GRID2: variants seen among roughly 807,000 people sequenced by gnomAD.
The protein encoded by GRID2 is glutamate receptor ionotropic, delta-2.
A neutral mutation model predicts 114.8 loss-of-function variants in GRID2; 33 were observed. That is an observed-to-expected ratio of 0.29 (90% confidence interval 0.22 to 0.38). The LOEUF (loss-of-function observed/expected upper bound fraction) is 0.38, where lower values mean the gene tolerates loss of function less well. GRID2 is among the 10% of genes least tolerant of loss of function. The pLI is 1.00. For missense variants in GRID2, 1,184 were observed against 1,257.7 expected (o/e 0.94, Z 0.89); for synonymous variants, 505 against 449.9 (o/e 1.12, Z -1.55).
At chr4:92,421,118 C>T (rs1002113026) in intron 1 of GRID2, among the ~76,000 whole-genome samples, 2 of 151,904 alleles carry the variant, frequency 1.3e-5, no homozygotes, top group Non-Finnish European at 2.9e-5. Flanking sequence ...CCAAATGCTG[C>T]ACCTTTTACA....
intron 1 of GRID2, among the ~76,000 whole-genome samples, chr4:92,522,060 C>G (rs1412232393): frequency 2.0e-5 from 3 of 151,708 alleles, no homozygotes; most frequent in Non-Finnish European, 4.4e-5. Context: ...TAAAGATAAT[C>G]CACTGTGGGG....
At chr4:93,805,150 C>T (rs1006009603) in intron 1 of GRID2, among the ~76,000 whole-genome samples, 19 of 152,134 alleles carry the variant, frequency 1.2e-4, no homozygotes, top group African/African-American at 4.6e-4. Context: ...GCATGCTAGT[C>T]TAAAATTCCC....
At chr4:93,608,043 C>CATATATATAT (rs59824778) in intron 13 of GRID2, among the ~76,000 whole-genome samples, 2,069 of 146,180 alleles carry the variant, frequency 0.014, 9 homozygotes, top group Non-Finnish European at 0.017. Context: ...TCTAACTTTA[C>CATATATATAT]ATATATATAT....
intron 13 of GRID2, among the ~76,000 whole-genome samples, chr4:93,558,986 A>G (rs991666745): frequency 1.1e-4 from 16 of 152,196 alleles, no homozygotes; most frequent in African/African-American, 3.4e-4. Context: ...GACAAAAACT[A>G]CATGATAATC....
intron 1 of GRID2, among the ~76,000 whole-genome samples, chr4:92,515,059 G>A (rs1390807284): frequency 6.6e-6 from 1 of 151,848 alleles, no homozygotes; most frequent in Non-Finnish European, 1.5e-5. Context: ...ACCAAGCTGA[G>A]GGAAGTGCAG....
chr4:92,902,413 G>A (rs1057366526), intron 2 of GRID2, among the ~76,000 whole-genome samples: 2 of 151,854 alleles, frequency 1.3e-5, no homozygotes, highest in East Asian at 3.9e-4. Context: ...TTGATTCTTT[G>A]TAATTTTTTT....
chr4:93,472,306 A>G (rs1416350247), intron 11 of GRID2, among the ~76,000 whole-genome samples: 2 of 151,988 alleles, frequency 1.3e-5, no homozygotes, highest in Non-Finnish European at 2.9e-5. Flanking sequence ...CTGGGCAACA[A>G]GAGCAAAACT....
intron 1 of GRID2, among the ~76,000 whole-genome samples, chr4:92,468,268 T>C (rs965811882): frequency 7.2e-5 from 11 of 152,074 alleles, no homozygotes; most frequent in Admixed American, 2.6e-4. Context: ...CTAGGTGTTT[T>C]TACTAGCTGA....
chr4:93,590,725 T>A (rs1738172391), intron 13 of GRID2, among the ~76,000 whole-genome samples: 1 of 152,208 alleles, frequency 6.6e-6, no homozygotes, highest in South Asian at 2.1e-4. Context: ...TCCTCTTTTA[T>A]TTCCGTGAGC....
At chr4:92,437,517 C>T (rs1399282773) in intron 1 of GRID2, among the ~76,000 whole-genome samples, 1 of 152,182 alleles carries the variant, frequency 6.6e-6, no homozygotes, top group East Asian at 1.9e-4. Flanking sequence ...GATCTGCCTG[C>T]CTTGGCCTTC....
intron 2 of GRID2, chr4:92,822,570 A>G (rs953586959): frequency 3.1e-5 from 8 of 258,220 alleles, no homozygotes; most frequent in Non-Finnish European, 6.2e-5. Context: ...TCTAGAGACA[A>G]TCTACAGGTT....
intron 8 of GRID2, among the ~76,000 whole-genome samples, chr4:93,239,440 A>G (rs1484113971): frequency 6.6e-6 from 1 of 151,112 alleles, no homozygotes; most frequent in Non-Finnish European, 1.5e-5. Context: ...CTAACTGTCT[A>G]AAGTTGATGA....
chr4:93,338,569 A>G (rs974563573), intron 8 of GRID2, among the ~76,000 whole-genome samples: 5 of 152,192 alleles, frequency 3.3e-5, no homozygotes, highest in African/African-American at 1.2e-4. Context: ...GTATTTATAA[A>G]GTTTTACAGT....
chr4:93,201,677 C>T (rs1376128617), intron 4 of GRID2, among the ~76,000 whole-genome samples: 1 of 152,198 alleles, frequency 6.6e-6, no homozygotes, highest in African/African-American at 2.4e-5. Context: ...TCAATTAAAT[C>T]GTCCCCTGCA....
chr4:92,555,217 A>G (rs1387243824), intron 1 of GRID2, among the ~76,000 whole-genome samples: 1 of 152,146 alleles, frequency 6.6e-6, no homozygotes, highest in African/African-American at 2.4e-5. Flanking sequence ...GAGTGAATAT[A>G]AAAGGCCATA....
chr4:93,013,969 A>T (rs1176203607), intron 2 of GRID2, among the ~76,000 whole-genome samples: 1 of 152,040 alleles, frequency 6.6e-6, no homozygotes, highest in African/African-American at 2.4e-5. Flanking sequence ...CAGAAGATCA[A>T]ATTTCATGGT....
chr4:93,074,147 GTGGTGCAC>G (rs1480155551), intron 2 of GRID2, among the ~76,000 whole-genome samples: 1 of 152,216 alleles, frequency 6.6e-6, no homozygotes, highest in African/African-American at 2.4e-5. Flanking sequence ...TCCAAAGCCT[GTGGTGCAC>G]TGGACATAGT....
intron 8 of GRID2, among the ~76,000 whole-genome samples, chr4:93,358,402 C>G (rs890871486): frequency 1.3e-5 from 2 of 151,710 alleles, no homozygotes; most frequent in Admixed American, 1.3e-4. Context: ...TTTTTAAGTA[C>G]TAATTGTTAA....
At chr4:92,820,777 AT>A (rs1741232342) in intron 2 of GRID2, among the ~76,000 whole-genome samples, 1 of 152,204 alleles carries the variant, frequency 6.6e-6, no homozygotes, top group African/African-American at 2.4e-5. Flanking sequence ...CATTCTATTA[AT>A]TTCAGGTTCA....
Sources: allele counts gnomAD v4.1 joint callset (sites outside exome capture counted in the v4.1 genomes callset), GRCh38; gene constraint gnomAD v4.1.1; transcripts MANE v1.5; gene names NCBI Gene and HGNC (gene_info 2026-07-23, HGNC 2026-07-21).